CDH7: variants seen among roughly 807,000 people sequenced by gnomAD.
The protein encoded by CDH7 is cadherin 7, also known as cadherin-7.
Under a neutral mutation model 71.8 loss-of-function variants are expected in CDH7, and 25 were observed. That is an observed-to-expected ratio of 0.35 (90% confidence interval 0.25 to 0.49). CDH7 has a LOEUF of 0.49. Ranked by LOEUF, CDH7 falls within the 20% of genes least tolerant of loss-of-function variation. CDH7 has a pLI of 0.99. For synonymous variants in CDH7, 381 were observed against 363.8 expected (o/e 1.05, Z -0.54); for missense variants, 862 against 974.6 (o/e 0.88, Z 1.54).
In CDH7 at chr18:65,762,798, G is replaced by A; in HGVS notation, c.-45G>A. On this transcript the variant is annotated 5_prime_UTR_variant, in exon 2 of 12. Coordinates refer to ENST00000397968, the MANE Select transcript of CDH7 (RefSeq NM_004361.5). ...CAACTGGAACTGTGCCTTTTCTCTT[G>A]TCAAGGTTTTTTTCTTACACAGGAA... 6.4e-7 allele frequency: 1 copy of A among 1,553,766 alleles called. No homozygotes were observed. Among genetic ancestry groups the A allele is most frequent in the South Asian group, 1.2e-5 (1 of 85,390 alleles).
In CDH7 at chr18:65,814,679, T is replaced by C. The variant is rs77851030; in HGVS notation, c.625+75T>C. On this transcript the variant is annotated intron_variant, in intron 4 of 11. Coordinates refer to ENST00000397968, the MANE Select transcript of CDH7 (RefSeq NM_004361.5). ...TTAGAATTAATATTATTTCTAAATA[T>C]AGTTGACACTAATAACATACCATTT... 3.3e-3 allele frequency: 4,250 copies of C among 1,294,016 alleles called. 102 individuals are homozygous for C. The African/African-American group carries it at 0.055, about 17-fold the overall frequency. The allele number at this position is 1,294,016 out of a possible 1,614,324, so 80.2% of individuals were successfully genotyped here. A position where few individuals can be genotyped will look rare whatever the true frequency, so the allele number is the denominator to read the frequency against.
chr18:65,781,787 C>T (rs200394684), intron 2 of CDH7, among the ~76,000 whole-genome samples: 2,470 of 61,642 alleles, frequency 0.04, 314 homozygotes, highest in African/African-American at 0.13. Flanking sequence ...TCCTTCCTTC[C>T]TTCCTTCCTT....
intron 7 of CDH7, 137 bp from the exon 8 acceptor site, chr18:65,857,679 G>A: frequency 1.3e-6 from 1 of 779,452 alleles, no homozygotes; most frequent in Non-Finnish European, 2.1e-6. Flanking sequence ...AACCAGGCAT[G>A]CATTTATGTG....
At chr18:65,807,222 G>A (rs1014649564) in intron 2 of CDH7, among the ~76,000 whole-genome samples, 4 of 152,164 alleles carry the variant, frequency 2.6e-5, no homozygotes, top group Admixed American at 6.5e-5. Context: ...TGTCAGTAAT[G>A]GAGAACAACT....
At chr18:65,827,536 C>A in intron 6 of CDH7, among the ~76,000 whole-genome samples, 1 of 151,864 alleles carries the variant, frequency 6.6e-6, no homozygotes, top group Non-Finnish European at 1.5e-5. Flanking sequence ...TGAATGCTAA[C>A]ATGATTTTCC....
chr18:65,779,847 T>G (rs771574487), intron 2 of CDH7, among the ~76,000 whole-genome samples: 814 of 70,638 alleles, frequency 0.012, 83 homozygotes, highest in Admixed American at 0.015. Context: ...TCAAATGGTA[T>G]TTCTAGTTCT....
rs141456525 is a variant in CDH7, at chr18:65,889,500, C to T, written c.*8606C>T. 1.4e-3 allele frequency: 214 copies of T among 152,136 alleles called. No homozygotes were observed. Among genetic ancestry groups the T allele is most frequent in the African/African-American group, 4.8e-3 (201 of 41,526 alleles). 9.4% of individuals were successfully genotyped at this position (152,136 alleles called of 1,614,324 possible). A position where few individuals can be genotyped will look rare whatever the true frequency, so the allele number is the denominator to read the frequency against. ...ATATGAATTAGTAGTCAAAAATGAC[C>T]AAACACAGACGATAACCCACCATGA... On this transcript the variant is annotated 3_prime_UTR_variant, in exon 12 of 12. Coordinates refer to ENST00000397968, the MANE Select transcript of CDH7 (RefSeq NM_004361.5).
At chr18:65,801,246 G>T (rs185695010) in intron 2 of CDH7, among the ~76,000 whole-genome samples, 121 of 152,254 alleles carry the variant, frequency 7.9e-4, no homozygotes, top group African/African-American at 2.8e-3. Context: ...TGAGTGTTTA[G>T]ATGAAGAAAC....
chr18:65,781,092 T>A (rs1568180905), intron 2 of CDH7, among the ~76,000 whole-genome samples: 1 of 151,990 alleles, frequency 6.6e-6, no homozygotes, highest in Non-Finnish European at 1.5e-5. Flanking sequence ...CTTCCCAAGA[T>A]GGTGTTGGAA....
chr18:65,772,115 C>G (rs1916561849), intron 2 of CDH7, among the ~76,000 whole-genome samples: 1 of 152,116 alleles, frequency 6.6e-6, no homozygotes, highest in Non-Finnish European at 1.5e-5. Context: ...ACTGAAAACA[C>G]ACAATCAAAA....
rs1914236064 is a variant in CDH7 at position 65,881,669 on chromosome 18, A to T, written c.*775A>T. 6.6e-6 allele frequency: 1 copy of T among 152,138 alleles called. No homozygotes were observed. Among genetic ancestry groups the T allele is most frequent in the Non-Finnish European group, 1.5e-5 (1 of 68,014 alleles). 9.4% of individuals were successfully genotyped at this position (152,138 alleles called of 1,614,324 possible). A position where few individuals can be genotyped will look rare whatever the true frequency, so the allele number is the denominator to read the frequency against. On this transcript the variant is annotated 3_prime_UTR_variant, in exon 12 of 12. Transcript: ENST00000397968. ...TCTCTTCTGATTTGTACAGGAGAAT[A>T]TCTTTTCTTTTTTATTTGACACATG...
At chr18:65,796,491 A>G (rs1022072461) in intron 2 of CDH7, among the ~76,000 whole-genome samples, 2 of 152,190 alleles carry the variant, frequency 1.3e-5, no homozygotes, top group South Asian at 2.1e-4. Context: ...TGTACAATAT[A>G]CATTAGGTAG....
intron 2 of CDH7, among the ~76,000 whole-genome samples, chr18:65,802,674 A>C (rs188591584): frequency 6.6e-6 from 1 of 152,142 alleles, no homozygotes; most frequent in Non-Finnish European, 1.5e-5. Context: ...TCACAATTAC[A>C]CTAAGCGAGG....
rs927623668 is a variant in CDH7 at position 65,751,105 on chromosome 18, C to T, written c.-242C>T. 1 of 152,336 alleles carries T rather than the reference C, an allele frequency of 6.6e-6. No individual in the cohort carries two copies. Among genetic ancestry groups the T allele is most frequent in the Non-Finnish European group, 1.5e-5 (1 of 68,138 alleles). The allele number at this position is 152,336 out of a possible 1,614,324, so 9.4% of individuals were successfully genotyped here. ...GCACGTTCTTTCGGATGCACACGCC[C>T]GGGTCCCTGGCGTCTGACGCCGTGG... On this transcript the variant is annotated 5_prime_UTR_variant, in exon 1 of 12. Transcript: ENST00000397968.
intron 2 of CDH7, among the ~76,000 whole-genome samples, chr18:65,769,750 A>G (rs561987261): frequency 6.6e-6 from 1 of 152,252 alleles, no homozygotes; most frequent in Admixed American, 6.5e-5. Context: ...ACATTTTATA[A>G]TATGGGCCTG....
At chr18:65,873,907 T>C (rs1196162754) in intron 11 of CDH7, among the ~76,000 whole-genome samples, 1 of 152,214 alleles carries the variant, frequency 6.6e-6, no homozygotes, top group Admixed American at 6.5e-5. Flanking sequence ...ATTCATTCTA[T>C]AATATTTAAC....
chr18:65,864,216 AAGGT>A (rs1650915265), intron 11 of CDH7: 1 of 152,190 alleles, frequency 6.6e-6, no homozygotes, highest in Non-Finnish European at 1.5e-5. Flanking sequence ...AAGTTTGAAA[AAGGT>A]AGAACCACTG....
At chr18:65,768,971 A>G (rs1230865942) in intron 2 of CDH7, among the ~76,000 whole-genome samples, 2 of 151,428 alleles carry the variant, frequency 1.3e-5, no homozygotes, top group Non-Finnish European at 2.9e-5. Flanking sequence ...TCGCATACTT[A>G]TACTGTGATT....
At chr18:65,875,817 A>G (rs1914057675) in intron 11 of CDH7, among the ~76,000 whole-genome samples, 1 of 152,110 alleles carries the variant, frequency 6.6e-6, no homozygotes, top group Non-Finnish European at 1.5e-5. Context: ...AGTCTCAGCT[A>G]CTTGGGAGTG....
Sources: allele counts gnomAD v4.1 joint callset (sites outside exome capture counted in the v4.1 genomes callset), GRCh38; gene constraint gnomAD v4.1.1; transcripts MANE v1.5; gene names NCBI Gene and HGNC (gene_info 2026-07-23, HGNC 2026-07-21).